TMEM272: variants seen among roughly 807,000 people sequenced by gnomAD.
TMEM272 encodes long intergenic non-protein coding RNA 282.
Under a neutral mutation model 3.7 loss-of-function variants are expected in TMEM272, and 8 were observed. The ratio of observed to expected loss-of-function variants is 2.17; its 90% CI spans 1.27 to 3.91. TMEM272 has a LOEUF of 3.91. Ranked by LOEUF, TMEM272 falls within the 30% of genes most tolerant of loss-of-function variation. The pLI, the probability that TMEM272 is intolerant of heterozygous loss-of-function variation, is 0.00. For missense variants in TMEM272, 166 were observed against 91.5 expected (o/e 1.81, Z -3.32); for synonymous variants, 63 against 39.8 (o/e 1.58, Z -2.20).
the TMEM272 span, among the ~76,000 whole-genome samples, chr13:51,915,086 G>C: frequency 6.6e-6 from 1 of 152,230 alleles, no homozygotes; most frequent in Admixed American, 6.5e-5. Flanking sequence ...GGAAAGTACC[G>C]CAAAAACAGT....
chr13:51,922,022 C>G, the TMEM272 span, among the ~76,000 whole-genome samples: 4 of 152,242 alleles, frequency 2.6e-5, no homozygotes, highest in East Asian at 7.7e-4. Context: ...ACATAACTGT[C>G]AAGACTTAAC....
the TMEM272 span, among the ~76,000 whole-genome samples, chr13:51,921,061 A>AC: frequency 6.6e-6 from 1 of 152,178 alleles, no homozygotes; most frequent in African/African-American, 2.4e-5. Flanking sequence ...CTAGGCAGAG[A>AC]GCTTGCTGTA....
In TMEM272 at chr13:51,830,849, C is replaced by T. The variant is rs79441005; in HGVS notation, c.59-4224G>A. 6.8e-3 allele frequency among the ~76,000 whole-genome samples: 1,029 copies of T among 152,238 alleles called. 15 individuals carry two copies. The highest frequency in any genetic ancestry group is 0.024 in the African/African-American group (985 of 41,536). ...GTGCCCTGGCTTCATCCAGTGAGTC[C>T]GCTTCTCTGGATCACCACTCTAGGT... On this transcript the variant is annotated intron_variant, in intron 2 of 4. Transcript: ENST00000629372.
Position 51,816,480 on chromosome 13 carries a change from C to T in TMEM272, c.*271G>A. 2.8e-6 allele frequency: 1 copy of T among 360,794 alleles called. No homozygotes were observed. The allele number at this position is 360,794 out of a possible 1,614,324, so 22.3% of individuals were successfully genotyped here. A position where few individuals can be genotyped will look rare whatever the true frequency, so the allele number is the denominator to read the frequency against. ...ACTTCATACCCTCAAAAACAATTAT[C>T]CCTTTGAAAACTCTTGTGAGAACAA... On this transcript the variant is annotated 3_prime_UTR_variant, in exon 5 of 5. Transcript: ENST00000629372.
At chr13:51,832,377 G>A (rs1240287998) in intron 2 of TMEM272, among the ~76,000 whole-genome samples, 4 of 152,182 alleles carry the variant, frequency 2.6e-5, no homozygotes, top group Admixed American at 6.5e-5. Context: ...CCTATGAATA[G>A]CAAGTATTAA....
chr13:51,901,654 C>T, the TMEM272 span, among the ~76,000 whole-genome samples: 1 of 152,134 alleles, frequency 6.6e-6, no homozygotes, highest in East Asian at 1.9e-4. Flanking sequence ...CCCCAGTGCC[C>T]ACTCCATCCC....
intron 4 of TMEM272, among the ~76,000 whole-genome samples, chr13:51,818,321 C>G (rs1956051833): frequency 6.6e-6 from 1 of 152,168 alleles, no homozygotes; most frequent in African/African-American, 2.4e-5. Context: ...GAGATGGGAA[C>G]AGCGAACCCC....
chr13:51,859,000 T>C, the TMEM272 span, among the ~76,000 whole-genome samples: 4 of 152,132 alleles, frequency 2.6e-5, no homozygotes, highest in African/African-American at 9.7e-5. Context: ...AAACCAATGA[T>C]TGAGACTTCC....
chr13:51,920,480 A>G, the TMEM272 span, among the ~76,000 whole-genome samples: 2 of 152,118 alleles, frequency 1.3e-5, no homozygotes, highest in Admixed American at 1.3e-4. Context: ...CAAGCCCTCC[A>G]ATGTCTCCCA....
the TMEM272 span, chr13:51,932,387 A>G: frequency 6.6e-6 from 1 of 152,230 alleles, no homozygotes; most frequent in African/African-American, 2.4e-5. Context: ...GCGGTAATTT[A>G]AGCCTGTGTC....
chr13:51,929,105 G>C, the TMEM272 span, among the ~76,000 whole-genome samples: 2 of 152,252 alleles, frequency 1.3e-5, no homozygotes, highest in East Asian at 1.9e-4. Flanking sequence ...GCTGAGACAG[G>C]AGAATCGCTT....
the TMEM272 span, among the ~76,000 whole-genome samples, chr13:51,918,417 C>T: frequency 1.3e-5 from 2 of 152,014 alleles, no homozygotes; most frequent in East Asian, 3.8e-4. Flanking sequence ...GACATGGCAT[C>T]CGGGATTTAC....
At chr13:51,903,882 A>G in the TMEM272 span, among the ~76,000 whole-genome samples, 35 of 151,440 alleles carry the variant, frequency 2.3e-4, 1 homozygote, top group African/African-American at 8.0e-4. Flanking sequence ...TTGTGCAACC[A>G]AAGTGTCTTC....
At chr13:51,909,792 T>C in the TMEM272 span, 67 of 1,585,188 alleles carry the variant, frequency 4.2e-5, no homozygotes, top group Non-Finnish European at 5.5e-5. Flanking sequence ...CACAGCAGCC[T>C]GATCTTTGAT....
the TMEM272 span, among the ~76,000 whole-genome samples, chr13:51,850,764 C>A: frequency 6.6e-6 from 1 of 151,736 alleles, no homozygotes; most frequent in African/African-American, 2.4e-5. Context: ...TCATTGTATC[C>A]CTTTTCTTTT....
intron 2 of TMEM272, among the ~76,000 whole-genome samples, chr13:51,830,796 C>A (rs1593595007): frequency 1.3e-5 from 2 of 152,142 alleles, no homozygotes; most frequent in East Asian, 3.8e-4. Context: ...GTGGATGCGG[C>A]CTTACTCCCT....
At chr13:51,834,715 G>A (rs948458576) in intron 2 of TMEM272, among the ~76,000 whole-genome samples, 4 of 152,018 alleles carry the variant, frequency 2.6e-5, no homozygotes, top group African/African-American at 9.7e-5. Context: ...GACTTTGCTG[G>A]GCCCTTCTCT....
the TMEM272 span, among the ~76,000 whole-genome samples, chr13:51,925,901 T>C: frequency 6.6e-6 from 1 of 152,136 alleles, no homozygotes; most frequent in African/African-American, 2.4e-5. Context: ...GTGTGTGTAG[T>C]AGTGTGTTTA....
chr13:51,851,325 T>C, the TMEM272 span, among the ~76,000 whole-genome samples: 1 of 150,734 alleles, frequency 6.6e-6, no homozygotes, highest in African/African-American at 2.4e-5. Flanking sequence ...CAGAGTGACA[T>C]CTTGCCTCCT....
Sources: gnomAD v4.1 joint callset for allele counts (sites outside exome capture counted in the v4.1 genomes callset) on GRCh38, gnomAD v4.1.1 for gene constraint, MANE v1.5 for transcripts, NCBI Gene and HGNC (gene_info 2026-07-23, HGNC 2026-07-21) for gene names.